The following PPFIA2 variants were observed in gnomAD, a reference collection of about 807,000 sequenced individuals.
The protein encoded by PPFIA2 is liprin-alpha-2.
A neutral mutation model predicts 175.5 loss-of-function variants in PPFIA2; 46 were observed. The observed-to-expected ratio is 0.26, with a 90% CI of 0.21 to 0.34. The LOEUF (loss-of-function observed/expected upper bound fraction) is 0.34, where lower values mean the gene tolerates loss of function less well. Among genes scored for constraint, PPFIA2 ranks in the 10% least tolerant of loss-of-function variants. The probability of loss-of-function intolerance (pLI) is 1.00; values close to 1 mark genes in which losing one functional copy is unlikely to be tolerated. For synonymous variants in PPFIA2, 568 were observed against 511.4 expected, an observed-to-expected ratio of 1.11 and a Z score of -1.49; for missense variants, 1,179 against 1,506.1, an observed-to-expected ratio of 0.78 and a Z score of 3.60.
intron 9 of PPFIA2, among the ~76,000 whole-genome samples, chr12:81,382,607 A>G (rs2037981555): frequency 6.6e-6 from 1 of 152,204 alleles, no homozygotes; most frequent in African/African-American, 2.4e-5. Context: ...TTTACTGCTG[A>G]ATCAAAGCAA....
intron 4 of PPFIA2, among the ~76,000 whole-genome samples, chr12:81,519,620 T>C (rs2062866746): frequency 6.6e-6 from 1 of 152,162 alleles, no homozygotes; most frequent in African/African-American, 2.4e-5. Context: ...ACCTACAATA[T>C]ATCAAATGGC....
intron 3 of PPFIA2, among the ~76,000 whole-genome samples, chr12:81,707,364 C>T (rs1362882395): frequency 2.0e-5 from 3 of 152,126 alleles, no homozygotes; most frequent in African/African-American, 7.2e-5. Flanking sequence ...GGGCGAAGGA[C>T]ATGAACAGTC....
At chr12:81,526,639 G>T (rs1177385960) in intron 4 of PPFIA2, among the ~76,000 whole-genome samples, 1 of 152,170 alleles carries the variant, frequency 6.6e-6, no homozygotes, top group Non-Finnish European at 1.5e-5. Flanking sequence ...TCAAATAGCT[G>T]AATGGACAAC....
rs544686186 is a variant in PPFIA2, at chr12:81,666,548, G to A, written c.303+10243C>T. On this transcript the variant is annotated intron_variant, in intron 4 of 32. Coordinates refer to ENST00000549396, the MANE Select transcript of PPFIA2 (RefSeq NM_003625.5). ...ACACCACATGTTCTCACTCATAGGT[G>A]GGAATTGAATAATGAGAACACATGG... 9.2e-5 allele frequency among the ~76,000 whole-genome samples: 14 copies of A among 152,166 alleles called. No individual in the cohort carries two copies. In the South Asian group the frequency reaches 2.7e-3, roughly 29 times the overall value.
rs562047985 is a variant in PPFIA2 at position 81,324,927 on chromosome 12, G to A, written c.2642+850C>T. On this transcript the variant is annotated intron_variant, in intron 22 of 32. Transcript: ENST00000549396. ...ATTAGTAAACATTTACAAAGCAAGT[G>A]AGAAAGCAAAATATGAAGTCAATTG... is the stretch of plus-strand genomic sequence containing the variant. Among the ~76,000 whole-genome samples the A allele has an allele frequency of 5.9e-5, 9 of 152,036 alleles. No homozygotes were observed. The South Asian group carries it at 8.3e-4, about 14-fold the overall frequency.
chr12:81,330,189 G>GCAA (rs376349683), intron 21 of PPFIA2, among the ~76,000 whole-genome samples: 2 of 151,964 alleles, frequency 1.3e-5, no homozygotes, highest in Non-Finnish European at 2.9e-5. Flanking sequence ...ACGCACGATA[G>GCAA]CAACAACAAC....
chr12:81,476,526 A>G (rs536291569), intron 4 of PPFIA2, among the ~76,000 whole-genome samples: 10 of 152,360 alleles, frequency 6.6e-5, no homozygotes, highest in African/African-American at 1.9e-4. Flanking sequence ...AATACAATAA[A>G]TCTATATTTA....
chr12:81,496,740 A>C (rs1000446247), intron 4 of PPFIA2, among the ~76,000 whole-genome samples: 2 of 152,244 alleles, frequency 1.3e-5, no homozygotes, highest in Non-Finnish European at 2.9e-5. Flanking sequence ...GTAGAAATAA[A>C]ACTGAAGGAA....
At chr12:81,329,863 C>T (rs1322262078) in intron 21 of PPFIA2, among the ~76,000 whole-genome samples, 4 of 152,140 alleles carry the variant, frequency 2.6e-5, no homozygotes, top group Non-Finnish European at 5.9e-5. Flanking sequence ...GTGATTAGAC[C>T]CCGGGTCCGG....
chr12:81,713,059 T>A (rs1363706219), intron 3 of PPFIA2, among the ~76,000 whole-genome samples: 1 of 151,272 alleles, frequency 6.6e-6, no homozygotes, highest in East Asian at 2.0e-4. Flanking sequence ...CAATTAAATA[T>A]TATGCCAAAT....
At chr12:81,651,258 G>C (rs1160689641) in intron 4 of PPFIA2, among the ~76,000 whole-genome samples, 1 of 152,124 alleles carries the variant, frequency 6.6e-6, no homozygotes, top group East Asian at 1.9e-4. Context: ...ATATCTGAAG[G>C]TTTAAGTTCC....
chr12:81,395,772 A>G (rs2041021034), intron 8 of PPFIA2, among the ~76,000 whole-genome samples: 1 of 151,986 alleles, frequency 6.6e-6, no homozygotes, highest in African/African-American at 2.4e-5. Context: ...TAATAAAGCA[A>G]TATTTATTCC....
At chr12:81,369,549 A>G in intron 11 of PPFIA2, 2 of 689,678 alleles carry the variant, frequency 2.9e-6, no homozygotes, top group Non-Finnish European at 3.8e-6. Context: ...AAAGTAACAT[A>G]ATTTTTATAA....
intron 4 of PPFIA2, among the ~76,000 whole-genome samples, chr12:81,546,673 T>A (rs572284789): frequency 6.6e-6 from 1 of 152,264 alleles, no homozygotes; most frequent in East Asian, 1.9e-4. Context: ...TGGTCATGCC[T>A]GAACATTTAC....
chr12:81,672,663 A>G (rs1466085337), intron 4 of PPFIA2, among the ~76,000 whole-genome samples: 1 of 152,088 alleles, frequency 6.6e-6, no homozygotes, highest in Non-Finnish European at 1.5e-5. Context: ...TATAGGGAGC[A>G]AAATGTATAG....
intron 2 of PPFIA2, among the ~76,000 whole-genome samples, chr12:81,756,582 C>T (rs1283590716): frequency 1.3e-5 from 2 of 152,000 alleles, no homozygotes; most frequent in African/African-American, 4.8e-5. Context: ...TTTGATTCCA[C>T]TCCTAAGGCA....
rs1477550383 is a variant in PPFIA2, at chr12:81,379,836, A to G, written c.985-3894T>C. On this transcript the variant is annotated intron_variant, in intron 9 of 32. Transcript: ENST00000549396. The stretch of plus-strand genomic sequence containing the variant: ...TCAGTGGAACATATTTATAAATTAG[A>G]TTGGTGCAAAAGTAATTGCAGTTTT... Among the ~76,000 whole-genome samples the G allele has an allele frequency of 3.9e-5, 6 of 152,322 alleles. No homozygotes were observed. In the South Asian group the frequency reaches 8.3e-4, roughly 21 times the overall value.
chr12:81,494,011 T>A (rs75766382), intron 4 of PPFIA2, among the ~76,000 whole-genome samples: 3 of 151,742 alleles, frequency 2.0e-5, no homozygotes, highest in Non-Finnish European at 4.4e-5. Context: ...AACCTAGGCA[T>A]TACCATTCAG....
intron 4 of PPFIA2, among the ~76,000 whole-genome samples, chr12:81,555,350 G>T (rs1417424869): frequency 6.6e-6 from 1 of 151,908 alleles, no homozygotes; most frequent in African/African-American, 2.4e-5. Flanking sequence ...AAGACATATG[G>T]TATGTAATAT....
Sources: gnomAD v4.1 joint callset for allele counts (sites outside exome capture counted in the v4.1 genomes callset) on GRCh38, gnomAD v4.1.1 for gene constraint, MANE v1.5 for transcripts, NCBI Gene and HGNC (gene_info 2026-07-23, HGNC 2026-07-21) for gene names.